TRAF3: variants seen among roughly 807,000 people sequenced by gnomAD.
TRAF3 encodes the protein TNF receptor associated factor 3, also known as TNF receptor-associated factor 3.
Under a neutral mutation model 62.3 loss-of-function variants are expected in TRAF3, and 13 were observed. The ratio of observed to expected loss-of-function variants is 0.21; its 90% CI spans 0.14 to 0.33. The LOEUF (loss-of-function observed/expected upper bound fraction) is 0.33, where lower values mean the gene tolerates loss of function less well. Among genes scored for constraint, TRAF3 ranks in the 10% least tolerant of loss-of-function variants. The pLI is 1.00. For missense variants in TRAF3, 440 were observed against 741.8 expected, an observed-to-expected ratio of 0.59 and a Z score of 4.73; for synonymous variants, 269 against 283.4, an observed-to-expected ratio of 0.95 and a Z score of 0.51.
At chr14:102,890,098 A>G (rs1456178218) in intron 8 of TRAF3, among the ~76,000 whole-genome samples, 4 of 152,242 alleles carry the variant, frequency 2.6e-5, no homozygotes, top group South Asian at 2.1e-4. Context: ...TCTGACCCCA[A>G]CGGGGGACAG....
In TRAF3 at chr14:102,906,238, T is replaced by C. The variant is rs184183944; in HGVS notation, c.*454T>C. ...CAATTCTGATATCTTCTTTCTAAAA[T>C]TCAAGAGTGCAATTTTGTTTCAAAT... is the stretch of plus-strand genomic sequence containing the variant. On this transcript the variant is annotated 3_prime_UTR_variant, in exon 12 of 12. Transcript: ENST00000392745. The C allele has an allele frequency of 2.4e-3, 389 of 162,200 alleles. 2 individuals are homozygous for C. The highest frequency in any genetic ancestry group is 8.8e-3 in the African/African-American group (366 of 41,664). 10.0% of individuals were successfully genotyped at this position (162,200 alleles called of 1,614,324 possible). A position where few individuals can be genotyped will look rare whatever the true frequency, so the allele number is the denominator to read the frequency against.
chr14:102,821,569 AC>A (rs1332786985), intron 1 of TRAF3, among the ~76,000 whole-genome samples: 1 of 152,206 alleles, frequency 6.6e-6, no homozygotes, highest in Non-Finnish European at 1.5e-5. Flanking sequence ...TTTTCTGGGG[AC>A]CAACTTATAA....
intron 6 of TRAF3, among the ~76,000 whole-genome samples, chr14:102,879,838 TGG>T (rs1888944656): frequency 1.3e-5 from 2 of 152,110 alleles, no homozygotes; most frequent in African/African-American, 4.8e-5. Flanking sequence ...CTCTTGAGGC[TGG>T]GTGTGGTAGC....
chr14:102,875,171 G>A (rs1178517371), intron 4 of TRAF3, among the ~76,000 whole-genome samples: 2 of 152,070 alleles, frequency 1.3e-5, no homozygotes, highest in Non-Finnish European at 2.9e-5. Context: ...TCCAGCAAGC[G>A]ATCTATACAA....
At chr14:102,847,370 T>C (rs545615008) in intron 2 of TRAF3, among the ~76,000 whole-genome samples, 1 of 152,126 alleles carries the variant, frequency 6.6e-6, no homozygotes, top group South Asian at 2.1e-4. Flanking sequence ...AGATGGCGTT[T>C]TACCATATTG....
chr14:102,803,837 G>T lies in TRAF3; in HGVS notation c.-157+26162G>T, dbSNP rs143479861. ...CACTTGCAAGCATCTGATGACTGCT[G>T]CATGTACCATAAAAACATGCAAATA... is the stretch of plus-strand genomic sequence containing the variant. On this transcript the variant is annotated intron_variant, in intron 1 of 11. Transcript: ENST00000392745. Among the ~76,000 whole-genome samples, 1,206 of 152,282 alleles carry T rather than the reference G, an allele frequency of 7.9e-3. 21 individuals carry two copies. The highest frequency in any genetic ancestry group is 0.027 in the African/African-American group (1,140 of 41,542).
chr14:102,779,998 A>T (rs1379893104), intron 1 of TRAF3, among the ~76,000 whole-genome samples: 1 of 152,228 alleles, frequency 6.6e-6, no homozygotes. Context: ...GCGAGTGTTC[A>T]TGGAGGAAGA....
At chr14:102,900,573 G>A (rs1475979921) in intron 10 of TRAF3, among the ~76,000 whole-genome samples, 4 of 152,256 alleles carry the variant, frequency 2.6e-5, no homozygotes, top group South Asian at 4.1e-4. Flanking sequence ...ATGAACTGGT[G>A]GTTCTTACAG....
chr14:102,875,792 G>A (rs1246927788), intron 5 of TRAF3, 64 bp downstream of exon 5: 2 of 1,397,306 alleles, frequency 1.4e-6, no homozygotes. Flanking sequence ...ACATCCAGCT[G>A]ATGAAGTGGT....
At chr14:102,900,453 AT>A (rs1319301599) in intron 10 of TRAF3, among the ~76,000 whole-genome samples, 2 of 152,254 alleles carry the variant, frequency 1.3e-5, no homozygotes, top group African/African-American at 4.8e-5. Context: ...GTGAGCAAAG[AT>A]TGCGCCATTG....
intron 1 of TRAF3, among the ~76,000 whole-genome samples, chr14:102,823,395 G>A (rs1160588282): frequency 1.3e-5 from 2 of 152,080 alleles, no homozygotes; most frequent in Non-Finnish European, 2.9e-5. Context: ...GTTCCATAGC[G>A]ACACCTCTCC....
chr14:102,799,894 G>A (rs1439865345), intron 1 of TRAF3, among the ~76,000 whole-genome samples: 1 of 152,130 alleles, frequency 6.6e-6, no homozygotes, highest in African/African-American at 2.4e-5. Flanking sequence ...TCCAAGGGAG[G>A]GTGAAAAATG....
chr14:102,878,782 C>T (rs1208754432), intron 6 of TRAF3, among the ~76,000 whole-genome samples: 2 of 151,866 alleles, frequency 1.3e-5, no homozygotes, highest in Admixed American at 1.3e-4. Context: ...GAACACAGGT[C>T]AGATGTGAGG....
intron 8 of TRAF3, among the ~76,000 whole-genome samples, chr14:102,890,074 A>C (rs1340910825): frequency 6.6e-6 from 1 of 152,256 alleles, no homozygotes; most frequent in Non-Finnish European, 1.5e-5. Context: ...TTTGATGTAC[A>C]TGTCTGTGCT....
At chr14:102,892,012 A>G (rs930287082) in intron 9 of TRAF3, among the ~76,000 whole-genome samples, 3 of 150,354 alleles carry the variant, frequency 2.0e-5, no homozygotes, top group African/African-American at 7.3e-5. Context: ...CCACATAGAC[A>G]GGGCCACTTC....
chr14:102,822,052 A>C (rs1003875117), intron 1 of TRAF3, among the ~76,000 whole-genome samples: 12 of 152,222 alleles, frequency 7.9e-5, no homozygotes, highest in Admixed American at 6.5e-4. Context: ...AAATAAAATA[A>C]AATACAATAA....
At chr14:102,851,953 G>C (rs954098961) in intron 2 of TRAF3, among the ~76,000 whole-genome samples, 4 of 151,922 alleles carry the variant, frequency 2.6e-5, no homozygotes, top group African/African-American at 9.7e-5. Context: ...TGGTTGGGAG[G>C]CTGAGGCAGG....
intron 2 of TRAF3, among the ~76,000 whole-genome samples, chr14:102,848,082 A>G (rs1335065394): frequency 6.6e-6 from 1 of 152,150 alleles, no homozygotes; most frequent in African/African-American, 2.4e-5. Flanking sequence ...GACCTGCCTC[A>G]TGGAGTATTG....
intron 1 of TRAF3, among the ~76,000 whole-genome samples, chr14:102,781,824 A>C: frequency 7.4e-6 from 1 of 134,720 alleles, no homozygotes; most frequent in Admixed American, 7.8e-5. Flanking sequence ...ACAGAGTCTC[A>C]CTCTGTCACC....
Sources: gnomAD v4.1 joint callset for allele counts (sites outside exome capture counted in the v4.1 genomes callset) on GRCh38, gnomAD v4.1.1 for gene constraint, MANE v1.5 for transcripts, NCBI Gene and HGNC (gene_info 2026-07-23, HGNC 2026-07-21) for gene names.